Variants in BBS9 observed in about 807,000 individuals in gnomAD.
BBS9 encodes the protein protein PTHB1.
Under a neutral mutation model 117.7 loss-of-function variants are expected in BBS9, and 89 were observed. The ratio of observed to expected loss-of-function variants is 0.76; its 90% CI spans 0.64 to 0.90. BBS9 has a LOEUF of 0.90. Ranked by LOEUF, BBS9 falls within the 40% of genes least tolerant of loss-of-function variation. The pLI is 0.00. For synonymous variants in BBS9, 379 were observed against 370.9 expected, an observed-to-expected ratio of 1.02 and a Z score of -0.25; for missense variants, 982 against 1,042.2, an observed-to-expected ratio of 0.94 and a Z score of 0.80.
At chr7:33,551,912 T>C (rs1427949361) in intron 21 of BBS9, among the ~76,000 whole-genome samples, 1 of 152,126 alleles carries the variant, frequency 6.6e-6, no homozygotes, top group Non-Finnish European at 1.5e-5. Flanking sequence ...TGTTTGGCTA[T>C]ATAATATAAT....
rs558296824 is a variant in BBS9, at chr7:33,403,847, G to C, written c.2115+15703G>C. On this transcript the variant is annotated intron_variant, in intron 19 of 22. Transcript: ENST00000242067. ...TATATACCCAGTAATGGGATGGCTG[G>C]GTCAAATGGTATTTCTAGTTCTAGA... Among the ~76,000 whole-genome samples the C allele has an allele frequency of 2.2e-4, 33 of 152,126 alleles. No individual in the cohort carries two copies. In the East Asian group the frequency reaches 6.2e-3, roughly 29 times the overall value.
At chr7:33,376,873 T>C (rs558087171) in intron 17 of BBS9, among the ~76,000 whole-genome samples, 13 of 152,346 alleles carry the variant, frequency 8.5e-5, no homozygotes, top group Admixed American at 6.5e-4. Flanking sequence ...TCGTATCCTT[T>C]GCTCACTTTT....
At position 33,368,577 on chromosome 7, in the gene BBS9, T is replaced by TACACACACACACAC. The variant is rs201655079; in HGVS notation, c.1789+742_1789+755dup. Reference sequence around the variant, plus strand: ...ACGAATCTGTATTGAGAGAAAAAAGTACACACACACACACACACACACACA... The same window carrying TACACACACACACAC: ...ACGAATCTGTATTGAGAGAAAAAAGTACACACACACACACACACACACACACACACACACACACA... On this transcript the variant is annotated intron_variant, in intron 17 of 22. Transcript: ENST00000242067. Among the ~76,000 whole-genome samples, 386 of 128,460 alleles carry TACACACACACACAC rather than the reference T, an allele frequency of 3.0e-3. 4 individuals are homozygous for TACACACACACACAC. The highest frequency in any genetic ancestry group is 0.01 in the African/African-American group (366 of 36,168). 84.3% of individuals were successfully genotyped at this position (128,460 alleles called of 152,430 possible). A position where few individuals can be genotyped will look rare whatever the true frequency, so the allele number is the denominator to read the frequency against.
chr7:33,326,167 T>C (rs1812783026), intron 9 of BBS9, among the ~76,000 whole-genome samples: 1 of 152,170 alleles, frequency 6.6e-6, no homozygotes, highest in Non-Finnish European at 1.5e-5. Context: ...CCTGGTGCTC[T>C]GTTTTAGTAC....
intron 17 of BBS9, among the ~76,000 whole-genome samples, chr7:33,374,418 A>G (rs1171716382): frequency 1.3e-5 from 2 of 152,144 alleles, no homozygotes; most frequent in Non-Finnish European, 2.9e-5. Flanking sequence ...TGCCCCGAGA[A>G]TAGTTTAACT....
intron 16 of BBS9, among the ~76,000 whole-genome samples, chr7:33,361,489 C>T (rs1820610848): frequency 6.6e-6 from 1 of 152,056 alleles, no homozygotes; most frequent in South Asian, 2.1e-4. Flanking sequence ...TATTTGAAAA[C>T]TTTATTCAAA....
chr7:33,137,543 G>A (rs1790712322), intron 1 of BBS9, among the ~76,000 whole-genome samples: 1 of 152,202 alleles, frequency 6.6e-6, no homozygotes, highest in Admixed American at 6.5e-5. Context: ...TGCCTAAGTT[G>A]TCTTTTGAAA....
chr7:33,298,214 T>C (rs963976294), intron 9 of BBS9, among the ~76,000 whole-genome samples: 1 of 151,984 alleles, frequency 6.6e-6, no homozygotes, highest in Non-Finnish European at 1.5e-5. Flanking sequence ...ATTTTTAGTG[T>C]TGGGGTATTA....
chr7:33,212,931 A>G (rs1257526990), intron 5 of BBS9, among the ~76,000 whole-genome samples: 3 of 152,168 alleles, frequency 2.0e-5, no homozygotes, highest in South Asian at 2.1e-4. Flanking sequence ...TCTTGTGGCC[A>G]CCAACACTGG....
chr7:33,490,401 A>G (rs1843732009), intron 19 of BBS9, among the ~76,000 whole-genome samples: 1 of 152,118 alleles, frequency 6.6e-6, no homozygotes, highest in Non-Finnish European at 1.5e-5. Context: ...GCTTTACATG[A>G]GAATATCAAT....
intron 5 of BBS9, among the ~76,000 whole-genome samples, chr7:33,204,914 C>G (rs1221831632): frequency 6.6e-6 from 1 of 152,164 alleles, no homozygotes; most frequent in African/African-American, 2.4e-5. Context: ...TTTTCCAGTA[C>G]TTTGGTTGGT....
chr7:33,620,258 A>G (rs917591097), intron 21 of BBS9, among the ~76,000 whole-genome samples: 3 of 152,196 alleles, frequency 2.0e-5, no homozygotes, highest in South Asian at 4.1e-4. Flanking sequence ...AGAAACATAC[A>G]ACTTACCAAG....
At chr7:33,312,820 T>C (rs1809568428) in intron 9 of BBS9, among the ~76,000 whole-genome samples, 1 of 152,218 alleles carries the variant, frequency 6.6e-6, no homozygotes, top group Non-Finnish European at 1.5e-5. Context: ...CTGTCATCTT[T>C]GAATGTACTA....
intron 19 of BBS9, among the ~76,000 whole-genome samples, chr7:33,432,529 G>A (rs1172093124): frequency 6.6e-6 from 1 of 152,072 alleles, no homozygotes; most frequent in African/African-American, 2.4e-5. Flanking sequence ...TAGAAAACTA[G>A]CTAATATCAT....
At chr7:33,194,006 A>G (rs1562774739) in intron 5 of BBS9, among the ~76,000 whole-genome samples, 1 of 151,974 alleles carries the variant, frequency 6.6e-6, no homozygotes, top group East Asian at 1.9e-4. Flanking sequence ...CCTGTCTTCC[A>G]CTTCTTCTAC....
At chr7:33,571,273 G>A (rs986378370) in intron 21 of BBS9, among the ~76,000 whole-genome samples, 2 of 152,000 alleles carry the variant, frequency 1.3e-5, no homozygotes, top group African/African-American at 4.8e-5. Flanking sequence ...TTGGGTTATC[G>A]ATTGACTTTT....
intron 5 of BBS9, among the ~76,000 whole-genome samples, chr7:33,250,522 G>A (rs9638888): frequency 0.14 from 21,241 of 152,118 alleles, 1,826 homozygotes; most frequent in Non-Finnish European, 0.18. Context: ...GCTTTTTCTG[G>A]ACTGTTCTTT....
intron 9 of BBS9, among the ~76,000 whole-genome samples, chr7:33,315,726 C>T (rs1255962865): frequency 6.6e-6 from 1 of 152,086 alleles, no homozygotes; most frequent in African/African-American, 2.4e-5. Context: ...TATGTATCAT[C>T]TTTCTAGGTG....
intron 4 of BBS9, among the ~76,000 whole-genome samples, chr7:33,166,568 C>T (rs1182018932): frequency 3.9e-5 from 6 of 152,244 alleles, no homozygotes; most frequent in South Asian, 4.1e-4. Context: ...TCAGCAATGG[C>T]GGATGCCCCT....
Sources: gnomAD v4.1 joint callset for allele counts (sites outside exome capture counted in the v4.1 genomes callset) on GRCh38, gnomAD v4.1.1 for gene constraint, MANE v1.5 for transcripts, NCBI Gene and HGNC (gene_info 2026-07-23, HGNC 2026-07-21) for gene names.